Variants in SEC61B observed in about 807,000 individuals in gnomAD.
The protein encoded by SEC61B is protein transport protein Sec61 subunit beta.
SEC61B carries 7 observed loss-of-function variants against 12.6 expected under a neutral mutation model. The observed-to-expected ratio is 0.55, with a 90% confidence interval of 0.32 to 1.04. The LOEUF (loss-of-function observed/expected upper bound fraction) is 1.04. Among genes scored for constraint, SEC61B ranks in the 50% least tolerant of loss-of-function variants. SEC61B has a pLI of 0.05. For missense variants in SEC61B, 107 were observed against 130.1 expected, an observed-to-expected ratio of 0.82 and a Z score of 0.86; for synonymous variants, 54 against 50.1, an observed-to-expected ratio of 1.08 and a Z score of -0.33.
chr9:99,226,144 A>G (rs1328708665), intron 2 of SEC61B, among the ~76,000 whole-genome samples: 1 of 152,256 alleles, frequency 6.6e-6, no homozygotes, highest in East Asian at 1.9e-4. Flanking sequence ...CACGTAGTCC[A>G]TAATTAATGT....
At chr9:99,222,434 T>G in intron 1 of SEC61B, 68 bp downstream of exon 1, 1 of 1,610,968 alleles carries the variant, frequency 6.2e-7, no homozygotes, top group Non-Finnish European at 8.5e-7. Flanking sequence ...TGCGCCGTGC[T>G]TTTCCTCTGT....
chr9:99,222,519 C>G (rs757666499), intron 1 of SEC61B, 27 bp from the exon 2 acceptor site: 1 of 1,601,272 alleles, frequency 6.2e-7, no homozygotes, highest in East Asian at 2.2e-5. Context: ...CGCGCTCACC[C>G]GTCTGTCTGC....
At chr9:99,226,662 C>T (rs1158638786) in intron 2 of SEC61B, among the ~76,000 whole-genome samples, 4 of 152,140 alleles carry the variant, frequency 2.6e-5, no homozygotes, top group African/African-American at 7.2e-5. Flanking sequence ...TGTACCACTC[C>T]AACATGGGGC....
chr9:99,222,349 A>C lies in SEC61B; in HGVS notation c.-15A>C. The C allele has an allele frequency of 6.2e-7, 1 of 1,613,532 alleles. No homozygotes were observed. On this transcript the variant is annotated 5_prime_UTR_variant, in exon 1 of 4. Transcript: ENST00000223641. ...TATCCGTCCGCGTCAGCGCCTTGCC[A>C]CCCTCATCTCCAATATGGTATGGCG...
At position 99,222,459 on chromosome 9, in the gene SEC61B, C is replaced by G. The variant is rs1282030994; in HGVS notation, c.4-87C>G. On this transcript the variant is annotated intron_variant, in intron 1 of 3. Coordinates refer to ENST00000223641, the MANE Select transcript of SEC61B (RefSeq NM_006808.3). The stretch of plus-strand genomic sequence containing the variant: ...TTTTCCTCTGTAGCTCCCTTGCTTC[C>G]CCCAGCCTCGGGTGTGGGTGTCTAG... 2.5e-6 allele frequency: 4 copies of G among 1,606,974 alleles called. No individual in the cohort carries two copies. In the East Asian group the frequency reaches 8.9e-5, roughly 36 times the overall value.
chr9:99,225,011 A>G (rs1290347380), intron 2 of SEC61B, among the ~76,000 whole-genome samples: 1 of 152,232 alleles, frequency 6.6e-6, no homozygotes, highest in South Asian at 2.1e-4. Flanking sequence ...GTGAGGAGCA[A>G]TAATGCTTTA....
At chr9:99,223,332 C>CAAAA (rs530132509) in intron 2 of SEC61B, among the ~76,000 whole-genome samples, 1 of 128,974 alleles carries the variant, frequency 7.8e-6, no homozygotes, top group Non-Finnish European at 1.7e-5. Flanking sequence ...AACAAACAAA[C>CAAAA]AAAAAAAAAA....
At position 99,222,937 on chromosome 9, in the gene SEC61B, C is replaced by T. The variant is rs1045096705; in HGVS notation, c.101+294C>T. 2.3e-5 allele frequency: 7 copies of T among 304,138 alleles called. No homozygotes were observed. In the South Asian group the frequency reaches 4.8e-4, roughly 21 times the overall value. 18.8% of individuals were successfully genotyped at this position (304,138 alleles called of 1,614,324 possible). On this transcript the variant is annotated intron_variant, in intron 2 of 3. Transcript: ENST00000223641. ...CTGGTGTCTCTGGACCTGAGGTTTG[C>T]ACTCACATTTCCATCTGGCGGCCCC...
intron 3 of SEC61B, among the ~76,000 whole-genome samples, chr9:99,228,726 T>C (rs1828928037): frequency 6.6e-6 from 1 of 152,252 alleles, no homozygotes; most frequent in South Asian, 2.1e-4. Context: ...CAACTCTGAT[T>C]TACATAGCAC....
At position 99,227,996 on chromosome 9, in the gene SEC61B, A is replaced by G. The variant is rs1828918797; in HGVS notation, c.199A>G (p.Lys67Glu). 1 of 1,612,572 alleles carries G rather than the reference A, an allele frequency of 6.2e-7. No homozygotes were observed. The highest frequency in any genetic ancestry group is 8.5e-7 in the Non-Finnish European group (1 of 1,178,822). The change falls in exon 3 of 4, where the codon AAA (lysine) becomes GAA (glutamate). Residue 67 changes from lysine to glutamate, a missense_variant. Physicochemically the swap from Lys to Glu is moderately conservative, Grantham distance 56 (BLOSUM62 1). Coordinates refer to ENST00000223641, the MANE Select transcript of SEC61B (RefSeq NM_006808.3). ...RFYTEDSPGL[K>E]VGPVPVLVMS... is the part of the protein sequence containing the mutation. The stretch of plus-strand genomic sequence containing the variant: ...CTACACAGAAGATTCACCTGGGCTC[A>G]AAGTGTAAGTCTTAGGAACAGTCCT...
chr9:99,222,355 A>G lies in SEC61B; in HGVS notation c.-9A>G, dbSNP rs901194386. ...TCCGCGTCAGCGCCTTGCCACCCTCATCTCCAATATGGTATGGCGGCCCTT... is the reference window on the plus strand; with the variant it reads ...TCCGCGTCAGCGCCTTGCCACCCTCGTCTCCAATATGGTATGGCGGCCCTT... On this transcript the variant is annotated 5_prime_UTR_variant, in exon 1 of 4. Coordinates refer to ENST00000223641, the MANE Select transcript of SEC61B (RefSeq NM_006808.3). The G allele has an allele frequency of 1.5e-5, 25 of 1,613,808 alleles. No individual in the cohort carries two copies. Among genetic ancestry groups the G allele is most frequent in the Non-Finnish European group, 2.1e-5 (25 of 1,179,920 alleles).
At chr9:99,228,164 C>T (rs576126793) in intron 3 of SEC61B, among the ~76,000 whole-genome samples, 164 bp downstream of exon 3, 69 of 152,202 alleles carry the variant, frequency 4.5e-4, no homozygotes, top group African/African-American at 1.5e-3. Flanking sequence ...GTTTATCAAC[C>T]GATTAGGCAT....
intron 2 of SEC61B, among the ~76,000 whole-genome samples, chr9:99,225,567 A>G (rs75144246): frequency 6.6e-6 from 1 of 152,336 alleles, no homozygotes; most frequent in African/African-American, 2.4e-5. Flanking sequence ...GTTGAGGTAT[A>G]GAAGGGAGAG....
chr9:99,222,546 C>A lies in SEC61B; in HGVS notation c.4C>A (p.Pro2Thr). The A allele has an allele frequency of 6.3e-7, 1 of 1,587,684 alleles. No individual in the cohort carries two copies. Among genetic ancestry groups the A allele is most frequent in the Non-Finnish European group, 8.6e-7 (1 of 1,166,856 alleles). Reference protein sequence around the residue: MPGPTPSGTNVG... With the variant: MTGPTPSGTNVG... ...TCTGTCTGCTTGTCTCCCTCTACAG[C>A]CTGGTCCGACCCCCAGTGGCACTAA... The change falls in exon 2 of 4, where the codon CCT becomes ACT. Residue 2 changes from proline to threonine, a missense_variant and splice_region_variant. By Grantham distance (38) the Pro-to-Thr change is conservative. Coordinates refer to ENST00000223641, the MANE Select transcript of SEC61B (RefSeq NM_006808.3).
chr9:99,229,756 C>T (rs1270832655), intron 3 of SEC61B, among the ~76,000 whole-genome samples: 1 of 152,098 alleles, frequency 6.6e-6, no homozygotes, highest in Non-Finnish European at 1.5e-5. Context: ...TGTTTTGATA[C>T]AGGCATACAA....
intron 2 of SEC61B, 104 bp from the exon 3 acceptor site, chr9:99,227,795 T>G (rs1057133421): frequency 3.7e-6 from 3 of 810,728 alleles, no homozygotes; most frequent in Non-Finnish European, 5.8e-6. Context: ...AAAGAAAGTT[T>G]TTTTTTTTTG....
chr9:99,222,424 T>C (rs1828837246), intron 1 of SEC61B, 58 bp downstream of exon 1: 7 of 1,613,228 alleles, frequency 4.3e-6, no homozygotes, highest in African/African-American at 1.3e-5. Flanking sequence ...CCTCCTGCTT[T>C]GCGCCGTGCT....
intron 2 of SEC61B, among the ~76,000 whole-genome samples, chr9:99,223,538 C>T (rs1425433515): frequency 6.6e-6 from 1 of 152,118 alleles, no homozygotes; most frequent in Non-Finnish European, 1.5e-5. Flanking sequence ...AGACTGCAGG[C>T]ACGTGCCACC....
chr9:99,228,095 T>TG (rs371746265), intron 3 of SEC61B, 95 bp downstream of exon 3: 2 of 926,808 alleles, frequency 2.2e-6, no homozygotes, highest in African/African-American at 3.3e-5. Context: ...TTTGCCTTGA[T>TG]GCGATTTACT....
Sources: gnomAD v4.1 joint callset for allele counts (sites outside exome capture counted in the v4.1 genomes callset) on GRCh38, gnomAD v4.1.1 for gene constraint, MANE v1.5 for transcripts, NCBI Gene and HGNC (gene_info 2026-07-23, HGNC 2026-07-21) for gene names.